The following FSTL5 variants were observed in gnomAD, a reference collection of about 807,000 sequenced individuals.
FSTL5 encodes the protein follistatin like 5, also known as follistatin-related protein 5.
FSTL5 carries 62 observed loss-of-function variants against 89.1 expected under a neutral mutation model. The observed-to-expected ratio is 0.70, with a 90% confidence interval of 0.57 to 0.86. The LOEUF is 0.86. Among genes scored for constraint, FSTL5 ranks in the 40% least tolerant of loss-of-function variants. FSTL5 has a pLI of 0.00. For missense variants in FSTL5, 1,057 were observed against 1,001.6 expected (o/e 1.06, Z -0.75); for synonymous variants, 383 against 346.2 (o/e 1.11, Z -1.18).
chr4:162,153,704 T>TAATAATATATG (rs1441440420), intron 1 of FSTL5, among the ~76,000 whole-genome samples: 98 of 137,976 alleles, frequency 7.1e-4, no homozygotes, highest in African/African-American at 2.3e-3. Context: ...TATATGTATA[T>TAATAATATATG]TATATATGTA....
chr4:162,158,178 G>A (rs896857476), intron 1 of FSTL5, among the ~76,000 whole-genome samples: 3 of 151,876 alleles, frequency 2.0e-5, no homozygotes, highest in African/African-American at 4.8e-5. Context: ...TTCACCAAGT[G>A]TTTGAATTTC....
intron 4 of FSTL5, among the ~76,000 whole-genome samples, chr4:161,788,525 G>A (rs1196528763): frequency 6.6e-6 from 1 of 152,110 alleles, no homozygotes; most frequent in Non-Finnish European, 1.5e-5. Context: ...TGTCTTCTGT[G>A]ACAAAGCCTT....
intron 1 of FSTL5, among the ~76,000 whole-genome samples, chr4:162,134,914 G>A (rs1228756203): frequency 6.6e-6 from 1 of 152,196 alleles, no homozygotes; most frequent in Non-Finnish European, 1.5e-5. Flanking sequence ...TTTCCTAGAG[G>A]ATTCATGAAC....
At chr4:161,994,833 T>C (rs768682710) in intron 3 of FSTL5, among the ~76,000 whole-genome samples, 6 of 152,190 alleles carry the variant, frequency 3.9e-5, no homozygotes, top group Non-Finnish European at 8.8e-5. Flanking sequence ...CTGTAGGTTG[T>C]CTATTTTATT....
chr4:161,964,915 T>G (rs181442190), intron 3 of FSTL5, among the ~76,000 whole-genome samples: 31 of 152,188 alleles, frequency 2.0e-4, no homozygotes, highest in African/African-American at 6.5e-4. Flanking sequence ...TTATAACACA[T>G]TAGACTCTCC....
intron 6 of FSTL5, among the ~76,000 whole-genome samples, chr4:161,692,655 G>T (rs571577229): frequency 1.3e-5 from 2 of 152,184 alleles, no homozygotes; most frequent in Admixed American, 1.3e-4. Context: ...GTATCAAGAG[G>T]GCAGTCACCT....
intron 8 of FSTL5, among the ~76,000 whole-genome samples, chr4:161,562,469 C>G (rs1732639944): frequency 6.6e-6 from 1 of 151,770 alleles, no homozygotes; most frequent in African/African-American, 2.4e-5. Context: ...GTATGTTTTT[C>G]CATTGATTTA....
At chr4:161,607,090 T>C (rs886900532) in intron 7 of FSTL5, among the ~76,000 whole-genome samples, 6 of 152,114 alleles carry the variant, frequency 3.9e-5, no homozygotes, top group African/African-American at 1.4e-4. Flanking sequence ...ATACTGACAG[T>C]TGGTTTCACA....
At position 161,829,159 on chromosome 4, in the gene FSTL5, A is replaced by ATATG. The variant is rs1553969149; in HGVS notation, c.410-53089_410-53086dup. Among the ~76,000 whole-genome samples the ATATG allele has an allele frequency of 3.4e-5, 5 of 147,102 alleles. No homozygotes were observed. The Admixed American group carries it at 3.4e-4, about 10-fold the overall frequency. ...ACATTTTATATATATATATATATAT[A>ATATG]TATGTACACAGACACACTGTATATA... On this transcript the variant is annotated intron_variant, in intron 4 of 15. Coordinates refer to ENST00000306100, the MANE Select transcript of FSTL5 (RefSeq NM_020116.5).
intron 7 of FSTL5, 33 bp from the exon 8 acceptor site, chr4:161,587,608 AT>A (rs2126607212): frequency 6.5e-7 from 1 of 1,540,600 alleles, no homozygotes; most frequent in East Asian, 2.3e-5. Context: ...AGGTGTTTGC[AT>A]TTTGAATTAA....
At chr4:161,712,082 G>A (rs1738799592) in intron 6 of FSTL5, among the ~76,000 whole-genome samples, 2 of 152,202 alleles carry the variant, frequency 1.3e-5, no homozygotes, top group South Asian at 4.2e-4. Flanking sequence ...ACATGTGTTT[G>A]TTACTACCTC....
At chr4:161,588,828 T>C (rs1196222857) in intron 7 of FSTL5, among the ~76,000 whole-genome samples, 1 of 152,056 alleles carries the variant, frequency 6.6e-6, no homozygotes, top group Non-Finnish European at 1.5e-5. Flanking sequence ...TAGAAGACAC[T>C]GGAAGGGAAA....
intron 2 of FSTL5, among the ~76,000 whole-genome samples, chr4:162,109,426 C>T (rs761102943): frequency 6.6e-6 from 1 of 151,944 alleles, no homozygotes; most frequent in Non-Finnish European, 1.5e-5. Flanking sequence ...TTAGATATGA[C>T]CAGGCATTCT....
chr4:161,756,963 A>T (rs1740591505), intron 6 of FSTL5, among the ~76,000 whole-genome samples: 1 of 152,138 alleles, frequency 6.6e-6, no homozygotes, highest in Non-Finnish European at 1.5e-5. Context: ...AAGTCTATGT[A>T]TCTTTCTATT....
rs183499661 is a variant in FSTL5, at chr4:162,029,726, C to T, written c.160+3899G>A. On this transcript the variant is annotated intron_variant, in intron 3 of 15. Coordinates refer to ENST00000306100, the MANE Select transcript of FSTL5 (RefSeq NM_020116.5). The stretch of plus-strand genomic sequence containing the variant: ...TTGCAAGAGAGTCAATATTTGTAAC[C>T]ACAAGATTAAAGGAAACTAACACAT... Among the ~76,000 whole-genome samples, 37 of 151,892 alleles carry T rather than the reference C, an allele frequency of 2.4e-4. No individual in the cohort carries two copies. In the East Asian group the frequency reaches 3.3e-3, roughly 14 times the overall value.
chr4:162,113,450 C>T (rs1236471133), intron 1 of FSTL5, among the ~76,000 whole-genome samples: 2 of 152,100 alleles, frequency 1.3e-5, no homozygotes, highest in Non-Finnish European at 1.5e-5. Context: ...GCTAGTCTTC[C>T]ACATTTCTAT....
intron 4 of FSTL5, among the ~76,000 whole-genome samples, chr4:161,880,328 A>T (rs940968338): frequency 6.6e-6 from 1 of 152,038 alleles, no homozygotes; most frequent in African/African-American, 2.4e-5. Flanking sequence ...ATCTAACATT[A>T]TTTCATTTAC....
chr4:161,430,593 A>C, intron 15 of FSTL5, among the ~76,000 whole-genome samples: 1 of 152,128 alleles, frequency 6.6e-6, no homozygotes, highest in East Asian at 1.9e-4. Context: ...ACAAAATATT[A>C]GCCGGGCGTG....
chr4:161,868,622 T>C (rs1410676355), intron 4 of FSTL5, among the ~76,000 whole-genome samples: 1 of 152,234 alleles, frequency 6.6e-6, no homozygotes, highest in East Asian at 1.9e-4. Context: ...TACTTATCAT[T>C]GACTGTATAT....
Sources: gnomAD v4.1 joint callset for allele counts (sites outside exome capture counted in the v4.1 genomes callset) on GRCh38, gnomAD v4.1.1 for gene constraint, MANE v1.5 for transcripts, NCBI Gene and HGNC (gene_info 2026-07-23, HGNC 2026-07-21) for gene names.